LHFPL4: variants seen among roughly 807,000 people sequenced by gnomAD.
LHFPL4 encodes LHFPL tetraspan subfamily member 4.
Under a neutral mutation model 20.0 loss-of-function variants are expected in LHFPL4, and 6 were observed. That is an observed-to-expected ratio of 0.30 (90% CI 0.16 to 0.59). The LOEUF is 0.59. Among genes scored for constraint, LHFPL4 ranks in the 20% least tolerant of loss-of-function variants. The probability of loss-of-function intolerance (pLI) is 0.88; values close to 1 mark genes in which losing one functional copy is unlikely to be tolerated. For missense variants in LHFPL4, 215 were observed against 331.2 expected (o/e 0.65, Z 2.72); for synonymous variants, 129 against 143.8 (o/e 0.90, Z 0.74).
chr3:9,529,148 C>T (rs902021653), intron 2 of LHFPL4, among the ~76,000 whole-genome samples: 1 of 152,062 alleles, frequency 6.6e-6, no homozygotes, highest in African/African-American at 2.4e-5. Flanking sequence ...TCTGCCTCAG[C>T]CTCCCAAGTA....
At chr3:9,541,663 T>C (rs919316001) in intron 2 of LHFPL4, among the ~76,000 whole-genome samples, 1 of 151,576 alleles carries the variant, frequency 6.6e-6, no homozygotes, top group Non-Finnish European at 1.5e-5. Context: ...TCCCATCTAA[T>C]AGGGAGGCCG....
intron 2 of LHFPL4, among the ~76,000 whole-genome samples, chr3:9,517,808 GT>G (rs1294844205): frequency 0.17 from 20,280 of 116,426 alleles, 1,343 homozygotes; most frequent in Non-Finnish European, 0.21. Flanking sequence ...TTTGTTTTTT[GT>G]TTTTTTTTTT....
intron 2 of LHFPL4, among the ~76,000 whole-genome samples, chr3:9,520,978 A>AGAAAG (rs1312630174): frequency 2.0e-5 from 3 of 151,858 alleles, no homozygotes; most frequent in Admixed American, 6.6e-5. Flanking sequence ...TTCTGCCTGG[A>AGAAAG]TTTTTCCATT....
intron 2 of LHFPL4, among the ~76,000 whole-genome samples, chr3:9,547,919 C>T (rs1321042239): frequency 6.6e-6 from 1 of 152,180 alleles, no homozygotes; most frequent in East Asian, 1.9e-4. Context: ...GATCCTCCCG[C>T]CTCACCCTCC....
chr3:9,548,655 T>C (rs765519587), intron 2 of LHFPL4, among the ~76,000 whole-genome samples: 2 of 152,212 alleles, frequency 1.3e-5, no homozygotes, highest in Non-Finnish European at 2.9e-5. Flanking sequence ...AAAACTTCTG[T>C]TGGCGCTTGT....
At chr3:9,502,715 AAAGGTCAG>A (rs1479831635) in intron 3 of LHFPL4, among the ~76,000 whole-genome samples, 2 of 152,000 alleles carry the variant, frequency 1.3e-5, no homozygotes, top group Non-Finnish European at 2.9e-5. Context: ...AAAAAAAAAA[AAAGGTCAG>A]AGGGGCAGAG....
chr3:9,511,670 G>A (rs2046262062), intron 2 of LHFPL4, among the ~76,000 whole-genome samples: 1 of 152,212 alleles, frequency 6.6e-6, no homozygotes. Flanking sequence ...AATCTAGCTA[G>A]ATACTTTTGC....
rs1488011443 is a variant in LHFPL4, at chr3:9,552,773, A to T, written c.-94T>A. On this transcript the variant is annotated 5_prime_UTR_variant, in exon 2 of 4. Transcript: ENST00000287585. Reference sequence around the variant, plus strand: ...GCTGCCGGGCGGGAGCTGGGGACGCACGCGAGAAGCGGCCCTGAGTCAAGG... The same window carrying T: ...GCTGCCGGGCGGGAGCTGGGGACGCTCGCGAGAAGCGGCCCTGAGTCAAGG... The T allele has an allele frequency of 1.3e-6, 1 of 742,220 alleles. No homozygotes were observed. The highest frequency in any genetic ancestry group is 1.7e-6 in the Non-Finnish European group (1 of 590,042). The allele number at this position is 742,220 out of a possible 1,614,324, so 46.0% of individuals were successfully genotyped here.
intron 3 of LHFPL4, among the ~76,000 whole-genome samples, chr3:9,503,908 C>G (rs985032742): frequency 6.6e-6 from 1 of 152,016 alleles, no homozygotes; most frequent in Non-Finnish European, 1.5e-5. Context: ...TGCCTGTAGT[C>G]CCAGCCACTC....
intron 2 of LHFPL4, 110 bp downstream of exon 2, chr3:9,552,164 C>A: frequency 7.1e-7 from 1 of 1,408,306 alleles, no homozygotes; most frequent in South Asian, 1.4e-5. Context: ...AGGTGAGTGT[C>A]TTAACACAGA....
chr3:9,511,726 A>G (rs1179379803), intron 2 of LHFPL4, among the ~76,000 whole-genome samples: 2 of 152,224 alleles, frequency 1.3e-5, no homozygotes, highest in Admixed American at 6.5e-5. Flanking sequence ...TTTGTTTAAA[A>G]GACCTATTAG....
At position 9,523,110 on chromosome 3, in the gene LHFPL4, GCA is replaced by G. The variant is rs1439056714; in HGVS notation, c.407-16909_407-16908del. On this transcript the variant is annotated intron_variant, in intron 2 of 3. Transcript: ENST00000287585. Reference sequence around the variant, plus strand: ...AAAGAAAGAGAGAGAGAGAGAGAAAGCAAGCAAGCAAGCAAGCAAGCAAGCGA... The same window carrying G: ...AAAGAAAGAGAGAGAGAGAGAGAAAGAGCAAGCAAGCAAGCAAGCAAGCGA... Among the ~76,000 whole-genome samples, 5 of 137,740 alleles carry G rather than the reference GCA, an allele frequency of 3.6e-5. No homozygotes were observed. The South Asian group carries it at 7.3e-4, about 20-fold the overall frequency. 90.4% of individuals were successfully genotyped at this position (137,740 alleles called of 152,430 possible).
intron 2 of LHFPL4, among the ~76,000 whole-genome samples, chr3:9,537,483 G>C (rs2046450951): frequency 6.6e-6 from 1 of 152,116 alleles, no homozygotes. Flanking sequence ...TGCCACCCTA[G>C]GCCCAGCCTG....
rs1345502465 is a variant in LHFPL4, at chr3:9,502,149, G to A, written c.*62C>T. 59 of 1,188,584 alleles carry A rather than the reference G, an allele frequency of 5.0e-5. No homozygotes were observed. The Middle Eastern group carries it at 5.7e-4, about 11-fold the overall frequency. 73.6% of individuals were successfully genotyped at this position (1,188,584 alleles called of 1,614,324 possible). A position where few individuals can be genotyped will look rare whatever the true frequency, so the allele number is the denominator to read the frequency against. On this transcript the variant is annotated 3_prime_UTR_variant, in exon 4 of 4. Transcript: ENST00000287585. ...TCCCTCAGAGCTTGAATGGAGTGAC[G>A]AGAGGGCAGAAGGCAGGACAAGCTG...
At position 9,543,361 on chromosome 3, in the gene LHFPL4, C is replaced by T. The variant is rs371345024; in HGVS notation, c.406+8913G>A. On this transcript the variant is annotated intron_variant, in intron 2 of 3. Coordinates refer to ENST00000287585, the MANE Select transcript of LHFPL4 (RefSeq NM_198560.3). ...CTAAAAATACAAAAAATTAGCTGGG[C>T]GTGGTGGCGGGCGCCTGTAGACCTA... Among the ~76,000 whole-genome samples the T allele has an allele frequency of 1.4e-3, 209 of 152,020 alleles. 1 individual carries two copies. The East Asian group carries it at 0.017, about 12-fold the overall frequency.
intron 2 of LHFPL4, among the ~76,000 whole-genome samples, chr3:9,519,713 C>A (rs373719236): frequency 6.6e-6 from 1 of 152,096 alleles, no homozygotes; most frequent in East Asian, 1.9e-4. Flanking sequence ...CATGTGCCAC[C>A]ATGCCTGGCT....
At chr3:9,525,771 A>G (rs1334003533) in intron 2 of LHFPL4, among the ~76,000 whole-genome samples, 1 of 152,164 alleles carries the variant, frequency 6.6e-6, no homozygotes, top group East Asian at 1.9e-4. Context: ...ACGTTTGAAA[A>G]AATGGGAAAA....
chr3:9,519,703 C>T (rs369829829), intron 2 of LHFPL4, among the ~76,000 whole-genome samples: 37 of 152,100 alleles, frequency 2.4e-4, no homozygotes, highest in African/African-American at 8.4e-4. Context: ...GGACTACAGG[C>T]ATGTGCCACC....
chr3:9,507,530 G>A (rs1456398470), intron 2 of LHFPL4, among the ~76,000 whole-genome samples: 3 of 152,238 alleles, frequency 2.0e-5, no homozygotes, highest in Non-Finnish European at 1.5e-5. Flanking sequence ...ATCAAAACCA[G>A]TCATAATGCC....
Sources: allele counts gnomAD v4.1 joint callset (sites outside exome capture counted in the v4.1 genomes callset), GRCh38; gene constraint gnomAD v4.1.1; transcripts MANE v1.5; gene names NCBI Gene and HGNC (gene_info 2026-07-23, HGNC 2026-07-21).